Variants in CWF19L2 observed in about 807,000 individuals in gnomAD.
CWF19L2 encodes the protein CWF19-like protein 2.
In CWF19L2, 98 loss-of-function variants were observed where a neutral mutation model predicts 111.7. The ratio of observed to expected loss-of-function variants is 0.88; its 90% CI spans 0.75 to 1.04. The LOEUF (loss-of-function observed/expected upper bound fraction) is 1.04, where lower values mean the gene tolerates loss of function less well. CWF19L2 is among the 50% of genes least tolerant of loss of function. The probability of loss-of-function intolerance (pLI) is 0.00; values close to 1 mark genes in which losing one functional copy is unlikely to be tolerated. For missense variants in CWF19L2, 1,101 were observed against 1,051.4 expected (o/e 1.05, Z -0.65); for synonymous variants, 351 against 342.9 (o/e 1.02, Z -0.26).
At chr11:107,403,521 C>A in intron 10 of CWF19L2, 1 of 820,484 alleles carries the variant, frequency 1.2e-6, no homozygotes, top group Non-Finnish European at 2.2e-6. Context: ...TCAACCCCCT[C>A]CTGCCCATTC....
intron 12 of CWF19L2, among the ~76,000 whole-genome samples, chr11:107,380,023 G>T (rs554434317): frequency 8.2e-6 from 1 of 121,952 alleles, no homozygotes; most frequent in East Asian, 2.6e-4. Context: ...CTCCAACCTG[G>T]GCGACAGAGC....
chr11:107,455,534 G>A, intron 2 of CWF19L2, 132 bp downstream of exon 2: 1 of 545,910 alleles, frequency 1.8e-6, no homozygotes, highest in Non-Finnish European at 3.2e-6. Context: ...AAACTATTCA[G>A]CAATGCCAAC....
At position 107,416,286 on chromosome 11, in the gene CWF19L2, G is replaced by C. The variant is rs1404527043; in HGVS notation, c.1540C>G (p.Gln514Glu). Residue 514 changes from glutamine (Q) to glutamate (E), a missense_variant, in exon 10 of 18, where the codon CAA (glutamine) becomes GAA (glutamate). Coordinates refer to ENST00000282251, the MANE Select transcript of CWF19L2 (RefSeq NM_152434.3). ...EMMGNMELAE[Q>E]LKVQLEKANK... ...GCCTTTTCAAGTTGAACTTTAAGTT[G>C]TTCAGCTAATTCCTTCAAAAAGAAA... 18 of 1,443,646 alleles carry C rather than the reference G, an allele frequency of 1.2e-5. No homozygotes were observed. The highest frequency in any genetic ancestry group is 1.7e-5 in the Non-Finnish European group (18 of 1,075,152). The allele number at this position is 1,443,646 out of a possible 1,614,324, so 89.4% of individuals were successfully genotyped here. A position where few individuals can be genotyped will look rare whatever the true frequency, so the allele number is the denominator to read the frequency against.
chr11:107,352,135 AG>A (rs1860164323), intron 13 of CWF19L2, among the ~76,000 whole-genome samples: 1 of 152,178 alleles, frequency 6.6e-6, no homozygotes. Flanking sequence ...TGTAAACCTC[AG>A]TGTCTTTGCT....
intron 10 of CWF19L2, among the ~76,000 whole-genome samples, chr11:107,398,418 A>G (rs920520183): frequency 6.6e-6 from 1 of 152,202 alleles, no homozygotes; most frequent in Non-Finnish European, 1.5e-5. Context: ...AAATTGAACA[A>G]GTAGAAAAAA....
At chr11:107,367,766 A>G (rs1162282023) in intron 12 of CWF19L2, among the ~76,000 whole-genome samples, 1 of 133,804 alleles carries the variant, frequency 7.5e-6, no homozygotes, top group Non-Finnish European at 1.6e-5. Flanking sequence ...AGCATGGCAC[A>G]TGTATACATA....
intron 3 of CWF19L2, among the ~76,000 whole-genome samples, chr11:107,453,412 C>T (rs1337360543): frequency 6.6e-6 from 1 of 152,196 alleles, no homozygotes; most frequent in East Asian, 1.9e-4. Flanking sequence ...GAGACCCTGT[C>T]CTTCTGCTTG....
intron 3 of CWF19L2, among the ~76,000 whole-genome samples, chr11:107,451,105 T>C (rs116273292): frequency 0.022 from 3,301 of 152,060 alleles, 115 homozygotes; most frequent in African/African-American, 0.075. Context: ...GAAAATAAAA[T>C]GTCTCAAAAA....
chr11:107,428,077 C>T (rs554716233), intron 8 of CWF19L2, among the ~76,000 whole-genome samples: 2 of 152,116 alleles, frequency 1.3e-5, no homozygotes, highest in Non-Finnish European at 2.9e-5. Flanking sequence ...TGATCATTCA[C>T]GTGTAAGTTG....
chr11:107,411,337 A>G (rs1357585185), intron 10 of CWF19L2, among the ~76,000 whole-genome samples: 1 of 152,164 alleles, frequency 6.6e-6, no homozygotes, highest in Non-Finnish European at 1.5e-5. Flanking sequence ...TGTTTAAGTA[A>G]AAGTATAGTA....
chr11:107,338,301 A>G (rs1313155349), intron 14 of CWF19L2, among the ~76,000 whole-genome samples: 2 of 151,992 alleles, frequency 1.3e-5, no homozygotes, highest in Non-Finnish European at 2.9e-5. Context: ...CCCTTCTTCT[A>G]CCTTCCCCTT....
At chr11:107,345,149 T>C (rs971827042) in intron 14 of CWF19L2, among the ~76,000 whole-genome samples, 1 of 152,254 alleles carries the variant, frequency 6.6e-6, no homozygotes. Context: ...TATACAAATT[T>C]GCTATTATGA....
chr11:107,362,994 G>C (rs1173338850), intron 12 of CWF19L2, among the ~76,000 whole-genome samples: 1 of 152,058 alleles, frequency 6.6e-6, no homozygotes, highest in Non-Finnish European at 1.5e-5. Flanking sequence ...TGATGGAGCT[G>C]AAAACCAAGG....
At chr11:107,385,280 A>G (rs975920565) in intron 12 of CWF19L2, among the ~76,000 whole-genome samples, 2 of 151,442 alleles carry the variant, frequency 1.3e-5, no homozygotes, top group African/African-American at 4.9e-5. Flanking sequence ...AGGAACTGGC[A>G]TTGCTTTGCA....
At chr11:107,365,522 A>T (rs1339016712) in intron 12 of CWF19L2, among the ~76,000 whole-genome samples, 1 of 90,836 alleles carries the variant, frequency 1.1e-5, no homozygotes, top group East Asian at 2.9e-4. Context: ...GGTTCAATAT[A>T]CGCAAATCAA....
intron 12 of CWF19L2, among the ~76,000 whole-genome samples, chr11:107,356,397 CA>C (rs1860237832): frequency 6.6e-6 from 1 of 152,126 alleles, no homozygotes; most frequent in African/African-American, 2.4e-5. Context: ...CTGAAAGAAT[CA>C]GGTAAAAAGA....
chr11:107,429,369 C>A lies in CWF19L2; in HGVS notation c.863G>T (p.Arg288Met), dbSNP rs1452337568. ...TKEDYRRERW[R>M]KPTYSDKAQN... The stretch of plus-strand genomic sequence containing the variant: ...TGCTTTATCTGAATATGTGGGTTTC[C>A]TCCACCGTTCCCGTCTATAATCTTC... The change falls in exon 8 of 18, where the codon AGG becomes ATG. Residue 288 changes from arginine (R) to methionine (M), a missense_variant. By Grantham distance (91) the Arg-to-Met change is moderately conservative. Coordinates refer to ENST00000282251, the MANE Select transcript of CWF19L2 (RefSeq NM_152434.3). The A allele has an allele frequency of 3.1e-6, 5 of 1,595,996 alleles. No individual in the cohort carries two copies. The highest frequency in any genetic ancestry group is 4.5e-5 in the East Asian group (2 of 44,562).
At chr11:107,373,255 G>A (rs1337978564) in intron 12 of CWF19L2, among the ~76,000 whole-genome samples, 1 of 127,372 alleles carries the variant, frequency 7.9e-6, no homozygotes, top group Admixed American at 7.6e-5. Context: ...AGCTCGAACT[G>A]GGTGGAGCCC....
chr11:107,347,797 T>C (rs779162329), intron 14 of CWF19L2, among the ~76,000 whole-genome samples: 3 of 152,182 alleles, frequency 2.0e-5, no homozygotes, highest in Non-Finnish European at 4.4e-5. Flanking sequence ...TAAACTGTTT[T>C]CATTAAGCAG....
Sources: allele counts gnomAD v4.1 joint callset (sites outside exome capture counted in the v4.1 genomes callset), GRCh38; gene constraint gnomAD v4.1.1; transcripts MANE v1.5; gene names NCBI Gene and HGNC (gene_info 2026-07-23, HGNC 2026-07-21).